The following MALL variants were observed in gnomAD, a reference collection of about 807,000 sequenced individuals.
The protein encoded by MALL is mal, T cell differentiation protein like.
In MALL, 2 loss-of-function variants were observed where a neutral mutation model predicts 10.3. The ratio of observed to expected loss-of-function variants is 0.19; its 90% CI spans 0.08 to 0.61. The LOEUF (loss-of-function observed/expected upper bound fraction) is 0.61. Among genes scored for constraint, MALL ranks in the 20% least tolerant of loss-of-function variants. The pLI, the probability that MALL is intolerant of heterozygous loss-of-function variation, is 0.88. For missense variants in MALL, 39 were observed against 115.2 expected (o/e 0.34, Z 3.03); for synonymous variants, 27 against 51.8 (o/e 0.52, Z 2.05).
upstream of MALL, among the ~76,000 whole-genome samples, chr2:110,117,915 T>C (rs956405095): frequency 4.6e-5 from 7 of 152,166 alleles, no homozygotes; most frequent in Non-Finnish European, 1.0e-4. Context: ...ACATGGATTC[T>C]TTTGGAGATG....
At position 110,104,273 on chromosome 2, in the gene MALL, T is replaced by A. The variant is rs529843804; in HGVS notation, c.105+11415A>T. 7.2e-5 allele frequency among the ~76,000 whole-genome samples: 11 copies of A among 152,288 alleles called. No individual in the cohort carries two copies. In the South Asian group the frequency reaches 2.3e-3, roughly 32 times the overall value. ...GGATTGTTCAGTGACCCCTTTCTGT[T>A]CATCGAGCCTTCCAACGACTGTGTC... On this transcript the variant is annotated intron_variant, in intron 1 of 3. Coordinates refer to ENST00000272462, the MANE Select transcript of MALL (RefSeq NM_005434.5).
chr2:110,110,871 T>C (rs1325494538), intron 1 of MALL, among the ~76,000 whole-genome samples: 1 of 152,156 alleles, frequency 6.6e-6, no homozygotes, highest in Non-Finnish European at 1.5e-5. Flanking sequence ...TAACCCACCA[T>C]GATCAAGTGA....
chr2:110,103,853 CAG>C (rs1186515817), intron 1 of MALL, among the ~76,000 whole-genome samples: 2 of 152,174 alleles, frequency 1.3e-5, no homozygotes, highest in Admixed American at 6.5e-5. Context: ...GAAGTTCAGA[CAG>C]GGGCCGGAGT....
chr2:110,101,284 CAAGTAGCATTGCATGA>C (rs1362388137), intron 1 of MALL, among the ~76,000 whole-genome samples: 2 of 152,166 alleles, frequency 1.3e-5, no homozygotes, highest in African/African-American at 4.8e-5. Context: ...ACCCTGAAAA[CAAGTAGCATTGCATGA>C]AAGTTCCACA....
intron 1 of MALL, among the ~76,000 whole-genome samples, chr2:110,105,615 A>G (rs957565998): frequency 6.6e-6 from 1 of 152,196 alleles, no homozygotes; most frequent in Non-Finnish European, 1.5e-5. Flanking sequence ...TATAAAATAA[A>G]CTGGGGTAAA....
At chr2:110,115,537 C>G in intron 1 of MALL, 151 bp downstream of exon 1, 1 of 430,340 alleles carries the variant, frequency 2.3e-6, no homozygotes, top group Non-Finnish European at 4.0e-6. Context: ...GGCCGGTCTC[C>G]CCCCCCCTCT....
chr2:110,104,361 G>A (rs1678641368), intron 1 of MALL, among the ~76,000 whole-genome samples: 1 of 152,112 alleles, frequency 6.6e-6, no homozygotes, highest in Non-Finnish European at 1.5e-5. Context: ...GTTTCCTACT[G>A]GACCGTGACA....
intron 1 of MALL, among the ~76,000 whole-genome samples, chr2:110,099,439 A>G (rs1678515450): frequency 6.6e-6 from 1 of 152,222 alleles, no homozygotes; most frequent in Non-Finnish European, 1.5e-5. Context: ...CTGTGTTTTC[A>G]GTGTCAAAAT....
At chr2:110,115,831 C>T, upstream of MALL, 1 of 978,698 alleles carries the variant, frequency 1.0e-6, no homozygotes, top group Non-Finnish European at 1.3e-6. Context: ...GCAGCTCGCC[C>T]GCGCGCAGCC....
chr2:110,117,679 C>T (rs918113914), upstream of MALL, among the ~76,000 whole-genome samples: 4 of 150,982 alleles, frequency 2.6e-5, no homozygotes, highest in South Asian at 2.1e-4. Flanking sequence ...AAAATTATTC[C>T]CCCCATGCTT....
At position 110,115,735 on chromosome 2, in the gene MALL, C is replaced by G; in HGVS notation, c.58G>C (p.Val20Leu). 1 of 1,292,474 alleles carries G rather than the reference C, an allele frequency of 7.7e-7. No homozygotes were observed. The highest frequency in any genetic ancestry group is 9.9e-7 in the Non-Finnish European group (1 of 1,012,570). The allele number at this position is 1,292,474 out of a possible 1,614,324, so 80.1% of individuals were successfully genotyped here. The stretch of plus-strand genomic sequence containing the variant: ...AAAGGGATGGTGAGGAACAGCGCGA[C>G]CCCCGAGGGCACGTCGGACGGGGCG... The part of the protein sequence containing the change: ...SYAPSDVPSG[V>L]ALFLTIPFAF... Residue 20 changes from valine (V) to leucine (L), a missense_variant, in exon 1 of 4, where the codon GTC becomes CTC. Coordinates refer to ENST00000272462, the MANE Select transcript of MALL (RefSeq NM_005434.5).
In MALL at chr2:110,101,762, A is replaced by T. The variant is rs574022672; in HGVS notation, c.106-9992T>A. Among the ~76,000 whole-genome samples, 11 of 152,320 alleles carry T rather than the reference A, an allele frequency of 7.2e-5. No homozygotes were observed. The East Asian group carries it at 2.1e-3, about 29-fold the overall frequency. ...ACTGACCAAACAGCACAGATTTGCA[A>T]TGTCACATAAAATTGACTAATGAGA... On this transcript the variant is annotated intron_variant, in intron 1 of 3. Transcript: ENST00000272462.
At chr2:110,102,781 G>A (rs1332604225) in intron 1 of MALL, among the ~76,000 whole-genome samples, 1 of 152,090 alleles carries the variant, frequency 6.6e-6, no homozygotes, top group Non-Finnish European at 1.5e-5. Context: ...AGGATTCCCT[G>A]GGAAGGCTTT....
intron 1 of MALL, among the ~76,000 whole-genome samples, chr2:110,100,137 C>A (rs1454865319): frequency 6.6e-6 from 1 of 152,090 alleles, no homozygotes; most frequent in South Asian, 2.1e-4. Flanking sequence ...ATGAGTGAGA[C>A]TCATTCATGG....
intron 1 of MALL, among the ~76,000 whole-genome samples, chr2:110,101,922 A>G (rs1302300861): frequency 6.6e-6 from 1 of 152,160 alleles, no homozygotes; most frequent in African/African-American, 2.4e-5. Context: ...AGAAAAGCAC[A>G]GAAATGCTGT....
intron 1 of MALL, chr2:110,097,478 G>C (rs1301643162): frequency 2.2e-6 from 1 of 456,494 alleles, no homozygotes; most frequent in Admixed American, 2.4e-5. Flanking sequence ...GATGGCCTTT[G>C]GGTAGAGTGG....
chr2:110,104,399 G>A (rs1678642001), intron 1 of MALL, among the ~76,000 whole-genome samples: 1 of 152,082 alleles, frequency 6.6e-6, no homozygotes, highest in Non-Finnish European at 1.5e-5. Flanking sequence ...GATTTCCTTG[G>A]CTGTTCTCCA....
At chr2:110,097,355 C>G in intron 1 of MALL, 4 of 415,200 alleles carry the variant, frequency 9.6e-6, no homozygotes, top group East Asian at 1.4e-4. Context: ...AATGTAGGAC[C>G]CTGTTCACGT....
intron 2 of MALL, 99 bp downstream of exon 2, chr2:110,091,489 AAAGTCTTGGTTCCAT>A: frequency 7.9e-7 from 1 of 1,263,736 alleles, no homozygotes; most frequent in Non-Finnish European, 1.1e-6. Flanking sequence ...GGTAAGATAA[AAAGTCTTGGTTCCAT>A]AGGAGCCTAG....
Sources: gnomAD v4.1 joint callset for allele counts (sites outside exome capture counted in the v4.1 genomes callset) on GRCh38, gnomAD v4.1.1 for gene constraint, MANE v1.5 for transcripts, NCBI Gene and HGNC (gene_info 2026-07-23, HGNC 2026-07-21) for gene names.